The following GPHN variants were observed in gnomAD, a reference collection of about 807,000 sequenced individuals.
GPHN encodes gephyrin.
A neutral mutation model predicts 95.5 loss-of-function variants in GPHN; 17 were observed. The ratio of observed to expected loss-of-function variants is 0.18; its 90% CI spans 0.12 to 0.27. The LOEUF (loss-of-function observed/expected upper bound fraction) is 0.27. GPHN is among the 10% of genes least tolerant of loss of function. GPHN has a pLI of 1.00. For synonymous variants in GPHN, 320 were observed against 322.5 expected (o/e 0.99, Z 0.08); for missense variants, 660 against 978.1 (o/e 0.67, Z 4.34).
chr14:67,590,249 A>AAT, the GPHN span: 2 of 733,178 alleles, frequency 2.7e-6, no homozygotes, highest in Admixed American at 4.0e-5. Context: ...CCACTTGCAA[A>AAT]TTTTTTTTTT....
the GPHN span, among the ~76,000 whole-genome samples, chr14:67,289,012 G>A: frequency 7.1e-6 from 1 of 141,694 alleles, no homozygotes; most frequent in Admixed American, 7.5e-5. Flanking sequence ...TGTCATCTAG[G>A]CTAGAGTGCA....
At chr14:66,635,364 A>G (rs2064041292) in intron 1 of GPHN, among the ~76,000 whole-genome samples, 1 of 152,154 alleles carries the variant, frequency 6.6e-6, no homozygotes, top group South Asian at 2.1e-4. Flanking sequence ...AAGAAATATA[A>G]TTTACTTAAT....
intron 11 of GPHN, among the ~76,000 whole-genome samples, chr14:67,060,187 A>G (rs1594979403): frequency 6.6e-6 from 1 of 151,566 alleles, no homozygotes; most frequent in East Asian, 1.9e-4. Flanking sequence ...TCACATTTAA[A>G]GAGACATTCT....
In GPHN at chr14:67,167,377, GT is replaced by G. The variant is rs531046959; in HGVS notation, c.1976-1549del. 3.3e-5 allele frequency among the ~76,000 whole-genome samples: 5 copies of G among 151,304 alleles called. No individual in the cohort carries two copies. In the South Asian group the frequency reaches 1.0e-3, roughly 31 times the overall value. Reference sequence around the variant, plus strand: ...TGGCTTTTTTATTTGTTGGTTTGGGGTTTTTTTGCTTTTCCAGAAAAAAATA... The same window carrying G: ...TGGCTTTTTTATTTGTTGGTTTGGGGTTTTTTGCTTTTCCAGAAAAAAATA... On this transcript the variant is annotated intron_variant, in intron 20 of 22. Coordinates refer to ENST00000478722, the MANE Select transcript of GPHN (RefSeq NM_020806.5).
chr14:67,657,659 G>A, the GPHN span, among the ~76,000 whole-genome samples: 3 of 151,750 alleles, frequency 2.0e-5, no homozygotes, highest in African/African-American at 7.3e-5. Context: ...CAGAGGCCTA[G>A]TACAGAGCAA....
the GPHN span, among the ~76,000 whole-genome samples, chr14:67,568,457 G>C: frequency 6.6e-6 from 1 of 152,108 alleles, no homozygotes; most frequent in Admixed American, 6.6e-5. Context: ...GATGGTGGCG[G>C]TGGGGGAGTA....
At chr14:67,343,256 A>C in the GPHN span, 1 of 731,116 alleles carries the variant, frequency 1.4e-6, no homozygotes, top group Non-Finnish European at 2.2e-6. Context: ...ACTGTGGGCA[A>C]GGGAAGCATC....
intron 21 of GPHN, among the ~76,000 whole-genome samples, chr14:67,172,250 G>A (rs1488155598): frequency 3.3e-5 from 5 of 151,904 alleles, no homozygotes; most frequent in Non-Finnish European, 7.4e-5. Context: ...CACCCAGCCC[G>A]CCGCCCGCCG....
chr14:67,629,583 G>A, the GPHN span, among the ~76,000 whole-genome samples: 1 of 152,184 alleles, frequency 6.6e-6, no homozygotes, highest in African/African-American at 2.4e-5. Flanking sequence ...TGTTTTGCAA[G>A]ATGAGTTCTG....
chr14:66,904,821 A>G (rs1306002070), intron 5 of GPHN, among the ~76,000 whole-genome samples: 2 of 152,140 alleles, frequency 1.3e-5, no homozygotes, highest in East Asian at 1.9e-4. Context: ...TTGGGGTTCC[A>G]TTGGTAAGAC....
At chr14:67,279,042 T>C in the GPHN span, 2 of 827,562 alleles carry the variant, frequency 2.4e-6, no homozygotes, top group South Asian at 5.7e-5. Flanking sequence ...TACTTTTTCA[T>C]AGCATTATTA....
chr14:67,493,074 G>T, the GPHN span, among the ~76,000 whole-genome samples: 1 of 152,174 alleles, frequency 6.6e-6, no homozygotes, highest in Non-Finnish European at 1.5e-5. Context: ...AAGAACTTTG[G>T]GAAAAGCATT....
chr14:66,869,077 TTCTACCA>T (rs1485919086), intron 4 of GPHN, among the ~76,000 whole-genome samples: 1 of 152,198 alleles, frequency 6.6e-6, no homozygotes, highest in African/African-American at 2.4e-5. Context: ...GACTATAAAT[TTCTACCA>T]TCTTTCAAGG....
the GPHN span, chr14:67,692,538 T>A: frequency 1.7e-5 from 27 of 1,611,398 alleles, no homozygotes; most frequent in South Asian, 3.0e-4. Context: ...TCTGGATCTC[T>A]TTGGCCACCA....
the GPHN span, among the ~76,000 whole-genome samples, chr14:67,419,830 CAG>C: frequency 2.0e-5 from 3 of 150,300 alleles, no homozygotes; most frequent in Admixed American, 6.6e-5. Flanking sequence ...GCCTGGGAGA[CAG>C]AGCCAGCCTC....
At chr14:66,644,113 TC>T (rs1027999295) in intron 1 of GPHN, among the ~76,000 whole-genome samples, 7 of 152,176 alleles carry the variant, frequency 4.6e-5, no homozygotes, top group Middle Eastern at 3.4e-3. Context: ...AAGCTACCTG[TC>T]CTTTGTTGAC....
At chr14:67,217,152 A>G in the GPHN span, among the ~76,000 whole-genome samples, 1 of 149,354 alleles carries the variant, frequency 6.7e-6, no homozygotes, top group African/African-American at 2.5e-5. Flanking sequence ...ATAACTATAG[A>G]ATGACTTTCT....
the GPHN span, among the ~76,000 whole-genome samples, chr14:67,518,332 C>T: frequency 1.3e-5 from 2 of 152,232 alleles, no homozygotes; most frequent in African/African-American, 4.8e-5. Flanking sequence ...TAACTTTTCT[C>T]AGCCTATTTT....
the GPHN span, among the ~76,000 whole-genome samples, chr14:67,531,138 TA>T: frequency 1.2e-3 from 176 of 152,280 alleles, no homozygotes; most frequent in Non-Finnish European, 2.2e-3. Flanking sequence ...AAAGGGGCTC[TA>T]GGGGTGATGG....
Sources: gnomAD v4.1 joint callset for allele counts (sites outside exome capture counted in the v4.1 genomes callset) on GRCh38, gnomAD v4.1.1 for gene constraint, MANE v1.5 for transcripts, NCBI Gene and HGNC (gene_info 2026-07-23, HGNC 2026-07-21) for gene names.